VSTM2L: variants seen among roughly 807,000 people sequenced by gnomAD.
VSTM2L encodes the protein V-set and transmembrane domain-containing protein 2-like protein.
A neutral mutation model predicts 19.9 loss-of-function variants in VSTM2L; 9 were observed. The observed-to-expected ratio is 0.45, with a 90% CI of 0.27 to 0.79. The LOEUF (loss-of-function observed/expected upper bound fraction) is 0.79, where lower values mean the gene tolerates loss of function less well. Ranked by LOEUF, VSTM2L falls within the 30% of genes least tolerant of loss-of-function variation. The pLI is 0.15. For missense variants in VSTM2L, 286 were observed against 295.5 expected (o/e 0.97, Z 0.24); for synonymous variants, 127 against 133.8 (o/e 0.95, Z 0.35).
chr20:37,938,355 C>T (rs781052494), intron 3 of VSTM2L, among the ~76,000 whole-genome samples: 26 of 152,278 alleles, frequency 1.7e-4, no homozygotes, highest in East Asian at 3.9e-4. Flanking sequence ...GCTGAGGGGC[C>T]AGCGAAGTGC....
rs2072999222 is a variant in VSTM2L at position 37,944,844 on chromosome 20, AG to A, written c.*592del. On this transcript the variant is annotated 3_prime_UTR_variant, in exon 4 of 4. Coordinates refer to ENST00000373461, the MANE Select transcript of VSTM2L (RefSeq NM_080607.3). ...CGAGATGCCCCACCACCTCCTGGCG[AG>A]TCCTTCCTGTTCAGCTCCCTGTGCG... is the stretch of plus-strand genomic sequence containing the variant. 2.0e-6 allele frequency: 2 copies of A among 985,906 alleles called. No individual in the cohort carries two copies. The highest frequency in any genetic ancestry group is 9.4e-5 in the South Asian group (2 of 21,292). 61.1% of individuals were successfully genotyped at this position (985,906 alleles called of 1,614,324 possible).
chr20:37,931,715 G>T lies in VSTM2L; in HGVS notation c.202G>T (p.Gly68Cys). The T allele has an allele frequency of 6.2e-7, 1 of 1,613,820 alleles. No individual in the cohort carries two copies. ...GATGGCCTGCTCCTTCCGCGGCAGC[G>T]GCTCCCCCTCCTACTCGCTGGAGAT... ...VEMACSFRGS[G>C]SPSYSLEIQW... is the part of the protein sequence containing the mutation. Residue 68 changes from glycine to cysteine, a missense_variant, in exon 2 of 4, where the codon GGC (glycine) becomes TGC (cysteine). Physicochemically the swap from Gly to Cys is radical, Grantham distance 159. Coordinates refer to ENST00000373461, the MANE Select transcript of VSTM2L (RefSeq NM_080607.3).
At position 37,945,230 on chromosome 20, in the gene VSTM2L, G is replaced by T; in HGVS notation, c.*977G>T. On this transcript the variant is annotated 3_prime_UTR_variant, in exon 4 of 4. Coordinates refer to ENST00000373461, the MANE Select transcript of VSTM2L (RefSeq NM_080607.3). Reference sequence around the variant, plus strand: ...TTGGCTGGCACCTCTGGCTGCCGCAGCTCAGTGATGACGTGGGGGAGGTGG... The same window carrying T: ...TTGGCTGGCACCTCTGGCTGCCGCATCTCAGTGATGACGTGGGGGAGGTGG... The T allele has an allele frequency of 1.0e-6, 1 of 985,556 alleles. No homozygotes were observed. Among genetic ancestry groups the T allele is most frequent in the Non-Finnish European group, 1.2e-6 (1 of 830,018 alleles). The allele number at this position is 985,556 out of a possible 1,614,324, so 61.1% of individuals were successfully genotyped here. A position where few individuals can be genotyped will look rare whatever the true frequency, so the allele number is the denominator to read the frequency against.
chr20:37,941,463 A>ATT (rs11474748), intron 3 of VSTM2L, among the ~76,000 whole-genome samples: 43,918 of 152,026 alleles, frequency 0.29, 7,035 homozygotes, highest in East Asian at 0.52. Flanking sequence ...CCCAGGGCAG[A>ATT]TTGGTAAGAC....
At chr20:37,938,605 G>A (rs1392115913) in intron 3 of VSTM2L, among the ~76,000 whole-genome samples, 2 of 152,234 alleles carry the variant, frequency 1.3e-5, no homozygotes, top group African/African-American at 4.8e-5. Flanking sequence ...AGCCTGAGCT[G>A]TGGGGCAAGC....
rs1435086259 is a variant in VSTM2L at position 37,933,484 on chromosome 20, C to T, written c.292-55C>T. 8 of 1,383,770 alleles carry T rather than the reference C, an allele frequency of 5.8e-6. No homozygotes were observed. The East Asian group carries it at 9.4e-5, about 16-fold the overall frequency. 85.7% of individuals were successfully genotyped at this position (1,383,770 alleles called of 1,614,324 possible). ...TCTCCCCACACTGCCACCCCACCCC[C>T]ACCCTGTGCTAACACCTTGTCTCTG... On this transcript the variant is annotated intron_variant, in intron 2 of 3. Transcript: ENST00000373461.
chr20:37,928,144 A>G (rs970054560), intron 1 of VSTM2L, among the ~76,000 whole-genome samples: 2 of 152,120 alleles, frequency 1.3e-5, no homozygotes, highest in African/African-American at 2.4e-5. Flanking sequence ...ACCAGATCCA[A>G]CCAGGGTCCT....
At chr20:37,903,583 C>G (rs1354989676) in intron 1 of VSTM2L, 112 bp downstream of exon 1, 39 of 1,301,428 alleles carry the variant, frequency 3.0e-5, no homozygotes, top group Middle Eastern at 5.7e-4. Context: ...GGCGGGCATC[C>G]CGGGGCGCCC....
chr20:37,929,946 G>A (rs1252933339), intron 1 of VSTM2L, among the ~76,000 whole-genome samples: 1 of 152,180 alleles, frequency 6.6e-6, no homozygotes, highest in Non-Finnish European at 1.5e-5. Flanking sequence ...AAGGGTCACA[G>A]CTTTGAAGTG....
chr20:37,941,602 G>T (rs997107134), intron 3 of VSTM2L, among the ~76,000 whole-genome samples: 4 of 152,180 alleles, frequency 2.6e-5, no homozygotes, highest in African/African-American at 9.7e-5. Flanking sequence ...CCCACCTGGA[G>T]CCAGAAGTTG....
chr20:37,907,678 C>T (rs1390822918), intron 1 of VSTM2L, among the ~76,000 whole-genome samples: 1 of 151,928 alleles, frequency 6.6e-6, no homozygotes, highest in Non-Finnish European at 1.5e-5. Context: ...CCTACACACA[C>T]ACACACCCAC....
chr20:37,918,233 C>T (rs1472307671), intron 1 of VSTM2L, among the ~76,000 whole-genome samples: 2 of 152,086 alleles, frequency 1.3e-5, no homozygotes, highest in East Asian at 3.9e-4. Context: ...AGGAGCAAGG[C>T]TTGGAGGTGG....
At chr20:37,906,367 G>A (rs1389014491) in intron 1 of VSTM2L, among the ~76,000 whole-genome samples, 1 of 152,198 alleles carries the variant, frequency 6.6e-6, no homozygotes, top group Non-Finnish European at 1.5e-5. Context: ...GGTGGTGATG[G>A]TCCGTGTCTG....
chr20:37,908,401 C>T lies in VSTM2L; in HGVS notation c.121+4930C>T, dbSNP rs369474590. Reference sequence around the variant, plus strand: ...CATGGAGGCCCCTTGGGACCATCGTCCCAAGCCTCTCTCTTACAGATGAGA... The same window carrying T: ...CATGGAGGCCCCTTGGGACCATCGTTCCAAGCCTCTCTCTTACAGATGAGA... On this transcript the variant is annotated intron_variant, in intron 1 of 3. Coordinates refer to ENST00000373461, the MANE Select transcript of VSTM2L (RefSeq NM_080607.3). Among the ~76,000 whole-genome samples, 288 of 152,238 alleles carry T rather than the reference C, an allele frequency of 1.9e-3. 2 individuals are homozygous for T. The highest frequency in any genetic ancestry group is 6.6e-3 in the African/African-American group (274 of 41,548).
At chr20:37,915,689 G>C (rs1568835846) in intron 1 of VSTM2L, among the ~76,000 whole-genome samples, 1 of 152,048 alleles carries the variant, frequency 6.6e-6, no homozygotes, top group Non-Finnish European at 1.5e-5. Flanking sequence ...ATTTACTGTT[G>C]CTTCCTTGAA....
At chr20:37,941,542 G>A (rs1490163207) in intron 3 of VSTM2L, among the ~76,000 whole-genome samples, 2 of 152,230 alleles carry the variant, frequency 1.3e-5, no homozygotes, top group Non-Finnish European at 1.5e-5. Context: ...TGCAGAGGGC[G>A]CACTTTCTCA....
rs1281310187 is a variant in VSTM2L, at chr20:37,944,312, GC to G, written c.*61del. 5.8e-5 allele frequency: 79 copies of G among 1,367,060 alleles called. No homozygotes were observed. Among genetic ancestry groups the G allele is most frequent in the Non-Finnish European group, 7.4e-5 (78 of 1,049,876 alleles). The allele number at this position is 1,367,060 out of a possible 1,614,324, so 84.7% of individuals were successfully genotyped here. A position where few individuals can be genotyped will look rare whatever the true frequency, so the allele number is the denominator to read the frequency against. On this transcript the variant is annotated 3_prime_UTR_variant, in exon 4 of 4. Coordinates refer to ENST00000373461, the MANE Select transcript of VSTM2L (RefSeq NM_080607.3). Reference sequence around the variant, plus strand: ...CGCTGTACAGAGTGCATGAGGAGCCGCCGGACCACCGGGGACCGACTGCCTG... The same window carrying G: ...CGCTGTACAGAGTGCATGAGGAGCCGCGGACCACCGGGGACCGACTGCCTG...
chr20:37,944,312 GCCGGACCA>G lies in VSTM2L; in HGVS notation c.*64_*71del. On this transcript the variant is annotated 3_prime_UTR_variant, in exon 4 of 4. Transcript: ENST00000373461. ...CGCTGTACAGAGTGCATGAGGAGCC[GCCGGACCA>G]CCGGGGACCGACTGCCTGCGTCCAG... 10 of 1,367,060 alleles carry G rather than the reference GCCGGACCA, an allele frequency of 7.3e-6. No homozygotes were observed. Among genetic ancestry groups the G allele is most frequent in the Non-Finnish European group, 8.6e-6 (9 of 1,049,876 alleles). The allele number at this position is 1,367,060 out of a possible 1,614,324, so 84.7% of individuals were successfully genotyped here. A position where few individuals can be genotyped will look rare whatever the true frequency, so the allele number is the denominator to read the frequency against.
chr20:37,909,744 A>T (rs539865347), intron 1 of VSTM2L, among the ~76,000 whole-genome samples: 3 of 152,218 alleles, frequency 2.0e-5, no homozygotes, highest in Non-Finnish European at 4.4e-5. Context: ...AGCCATGAGG[A>T]TGGGGGAGTC....
Sources: gnomAD v4.1 joint callset for allele counts (sites outside exome capture counted in the v4.1 genomes callset) on GRCh38, gnomAD v4.1.1 for gene constraint, MANE v1.5 for transcripts, NCBI Gene and HGNC (gene_info 2026-07-23, HGNC 2026-07-21) for gene names.